The following HMGA2 variants were observed in gnomAD, a reference collection of about 807,000 sequenced individuals.
HMGA2 encodes the protein high mobility group protein HMGI-C.
HMGA2 carries 8 observed loss-of-function variants against 19.1 expected under a neutral mutation model. That is an observed-to-expected ratio of 0.42 (90% CI 0.25 to 0.76). The LOEUF (loss-of-function observed/expected upper bound fraction) is 0.76, where lower values mean the gene tolerates loss of function less well. Among genes scored for constraint, HMGA2 ranks in the 30% least tolerant of loss-of-function variants. HMGA2 has a pLI of 0.28. For missense variants in HMGA2, 109 were observed against 136.3 expected (o/e 0.80, Z 1.00); for synonymous variants, 60 against 48.8 (o/e 1.23, Z -0.96).
At chr12:65,883,716 A>G (rs1250515650) in intron 3 of HMGA2, among the ~76,000 whole-genome samples, 1 of 152,216 alleles carries the variant, frequency 6.6e-6, no homozygotes, top group African/African-American at 2.4e-5. Flanking sequence ...ATATTTCCAG[A>G]AAGAGGCACA....
intron 3 of HMGA2, among the ~76,000 whole-genome samples, chr12:65,865,098 G>A (rs1168979156): frequency 2.0e-5 from 3 of 152,094 alleles, no homozygotes; most frequent in Non-Finnish European, 4.4e-5. Context: ...TTAATGAGTA[G>A]TGAACAAATT....
intron 3 of HMGA2, chr12:65,842,882 C>A (rs762135151): frequency 1.7e-5 from 22 of 1,268,672 alleles, no homozygotes; most frequent in Non-Finnish European, 2.2e-5. Flanking sequence ...GGGGCTCAGG[C>A]TCAAGAATAC....
chr12:65,902,497 C>T (rs1377817075), intron 3 of HMGA2, among the ~76,000 whole-genome samples: 1 of 152,062 alleles, frequency 6.6e-6, no homozygotes, highest in East Asian at 1.9e-4. Context: ...ATGTTTTACC[C>T]CAAGAGCCCT....
chr12:65,963,074 C>A (rs1265158246), intron 4 of HMGA2, among the ~76,000 whole-genome samples, 171 bp from the exon 5 acceptor site: 2 of 152,096 alleles, frequency 1.3e-5, no homozygotes, highest in African/African-American at 4.8e-5. Flanking sequence ...CACCTTGATT[C>A]CTCAATTACG....
intron 3 of HMGA2, among the ~76,000 whole-genome samples, chr12:65,853,330 A>C (rs1871570860): frequency 6.6e-6 from 1 of 152,196 alleles, no homozygotes; most frequent in Admixed American, 6.5e-5. Context: ...AATCTGTTGA[A>C]TATACTGTTC....
At chr12:65,862,419 C>A (rs1872149915) in intron 3 of HMGA2, among the ~76,000 whole-genome samples, 1 of 151,996 alleles carries the variant, frequency 6.6e-6, no homozygotes, top group Non-Finnish European at 1.5e-5. Flanking sequence ...CAATTTTCTG[C>A]AAATAAGCCT....
At chr12:65,958,383 T>G (rs1876660183) in intron 4 of HMGA2, 1 of 152,256 alleles carries the variant, frequency 6.6e-6, no homozygotes, top group African/African-American at 2.4e-5. Flanking sequence ...CAGGTTATAT[T>G]GTTTATATAT....
chr12:65,887,877 TAAAA>T (rs59062095), intron 3 of HMGA2, among the ~76,000 whole-genome samples: 1 of 142,242 alleles, frequency 7.0e-6, no homozygotes, highest in Non-Finnish European at 1.6e-5. Flanking sequence ...ACAGGCAAAT[TAAAA>T]AAAAAAAAAA....
intron 3 of HMGA2, among the ~76,000 whole-genome samples, chr12:65,909,076 A>C (rs1874729280): frequency 6.6e-6 from 1 of 152,218 alleles, no homozygotes; most frequent in Admixed American, 6.5e-5. Context: ...AATTTTTTTA[A>C]AGTAAATAGA....
intron 3 of HMGA2, among the ~76,000 whole-genome samples, chr12:65,921,753 C>G (rs1875322192): frequency 6.6e-6 from 1 of 152,206 alleles, no homozygotes. Context: ...TCACGGCAGC[C>G]CCTCCCATCA....
chr12:65,937,585 G>C (rs7966340), intron 3 of HMGA2, among the ~76,000 whole-genome samples: 42,846 of 152,058 alleles, frequency 0.28, 6,643 homozygotes, highest in South Asian at 0.4. Context: ...AGGCAGTATG[G>C]CACACTCATT....
chr12:65,824,744 TC>T lies in HMGA2; in HGVS notation c.-526del. ...CTCTCTCTCTCTCTCTCTCTCTCTC[TC>T]TCTCTCTCTCTCTCTCTCTCTCTCG... is the stretch of plus-strand genomic sequence containing the variant. On this transcript the variant is annotated 5_prime_UTR_variant, in exon 1 of 5. Transcript: ENST00000403681. 7.8e-5 allele frequency: 18 copies of T among 231,548 alleles called. No individual in the cohort carries two copies. Among genetic ancestry groups the T allele is most frequent in the Non-Finnish European group, 1.4e-4 (17 of 118,002 alleles). 14.3% of individuals were successfully genotyped at this position (231,548 alleles called of 1,614,324 possible).
intron 3 of HMGA2, among the ~76,000 whole-genome samples, chr12:65,923,788 T>A (rs547639647): frequency 2.0e-5 from 3 of 152,176 alleles, no homozygotes; most frequent in African/African-American, 7.2e-5. Flanking sequence ...GGCGAGTGGA[T>A]CACCTGGGGT....
intron 3 of HMGA2, among the ~76,000 whole-genome samples, chr12:65,905,750 C>G (rs935213948): frequency 6.6e-6 from 1 of 152,094 alleles, no homozygotes; most frequent in African/African-American, 2.4e-5. Context: ...AATACATTCT[C>G]TTTAGAAATT....
chr12:65,939,875 G>A (rs1876032827), intron 3 of HMGA2, among the ~76,000 whole-genome samples: 2 of 152,168 alleles, frequency 1.3e-5, no homozygotes, highest in African/African-American at 4.8e-5. Context: ...GGAGAGATGT[G>A]ATTATGTAGA....
intron 3 of HMGA2, among the ~76,000 whole-genome samples, chr12:65,870,899 G>T (rs946382416): frequency 6.6e-6 from 1 of 152,178 alleles, no homozygotes; most frequent in Non-Finnish European, 1.5e-5. Context: ...GGGTGAGGGG[G>T]TGGATGTGGA....
Position 65,939,733 on chromosome 12 carries a change from A to T in HMGA2, c.250-11650A>T, listed in dbSNP as rs1264278197. The stretch of plus-strand genomic sequence containing the variant: ...TCATAAGTAAAAAATAATGTCATGG[A>T]TGGTAACATTCTACAGAAATGAACA... On this transcript the variant is annotated intron_variant, in intron 3 of 4. Transcript: ENST00000403681. 5.3e-5 allele frequency among the ~76,000 whole-genome samples: 8 copies of T among 152,352 alleles called. No individual in the cohort carries two copies. In the East Asian group the frequency reaches 1.3e-3, roughly 26 times the overall value.
At chr12:65,858,860 G>A (rs1006275921) in intron 3 of HMGA2, 7 of 152,154 alleles carry the variant, frequency 4.6e-5, no homozygotes, top group Non-Finnish European at 7.4e-5. Flanking sequence ...CAACTGGACT[G>A]TTGCATTATT....
In HMGA2 at chr12:65,824,884, G is replaced by C. The variant is rs533794867; in HGVS notation, c.-387G>C. 1.2e-4 allele frequency: 33 copies of C among 269,036 alleles called. No individual in the cohort carries two copies. The highest frequency in any genetic ancestry group is 6.5e-4 in the African/African-American group (30 of 46,056). 16.7% of individuals were successfully genotyped at this position (269,036 alleles called of 1,614,324 possible). A position where few individuals can be genotyped will look rare whatever the true frequency, so the allele number is the denominator to read the frequency against. ...CGCTTCCGAAGTGCTCCCGGTGCCC[G>C]CAACTCCTGATCCCAACCCGCGAGA... On this transcript the variant is annotated 5_prime_UTR_variant, in exon 1 of 5. Transcript: ENST00000403681.
Sources: gnomAD v4.1 joint callset for allele counts (sites outside exome capture counted in the v4.1 genomes callset) on GRCh38, gnomAD v4.1.1 for gene constraint, MANE v1.5 for transcripts, NCBI Gene and HGNC (gene_info 2026-07-23, HGNC 2026-07-21) for gene names.